The following GLCCI1 variants were observed in gnomAD, a reference collection of about 807,000 sequenced individuals.
The protein encoded by GLCCI1 is glucocorticoid induced 1.
A neutral mutation model predicts 52.2 loss-of-function variants in GLCCI1; 24 were observed. The observed-to-expected ratio is 0.46, with a 90% CI of 0.33 to 0.65. The LOEUF is 0.65. GLCCI1 is among the 30% of genes least tolerant of loss of function. The pLI is 0.02. For missense variants in GLCCI1, 704 were observed against 701.5 expected (o/e 1.00, Z -0.04); for synonymous variants, 310 against 276.5 (o/e 1.12, Z -1.20).
At position 7,980,669 on chromosome 7, in the gene GLCCI1, G is replaced by C; in HGVS notation, c.457+10862G>C. Reference sequence around the variant, plus strand: ...CCAAGAATTAAGCACAAGAAGAAGGGCACAATGTCCATGGTGAATAATGAC... The same window carrying C: ...CCAAGAATTAAGCACAAGAAGAAGGCCACAATGTCCATGGTGAATAATGAC... On this transcript the variant is annotated intron_variant, in intron 1 of 7. Coordinates refer to ENST00000223145, the MANE Select transcript of GLCCI1 (RefSeq NM_138426.4). The C allele has an allele frequency of 7.4e-6, 6 of 805,446 alleles. No homozygotes were observed. In the South Asian group the frequency reaches 8.9e-5, roughly 12 times the overall value. The allele number at this position is 805,446 out of a possible 1,614,324, so 49.9% of individuals were successfully genotyped here. A position where few individuals can be genotyped will look rare whatever the true frequency, so the allele number is the denominator to read the frequency against.
chr7:8,084,586 A>G (rs1783062715), intron 6 of GLCCI1: 1 of 211,260 alleles, frequency 4.7e-6, no homozygotes, highest in Non-Finnish European at 9.4e-6. Flanking sequence ...TTGCCCCATC[A>G]TTTGCATTCT....
intron 2 of GLCCI1, among the ~76,000 whole-genome samples, chr7:8,021,904 C>G (rs1208326330): frequency 6.6e-6 from 1 of 152,038 alleles, no homozygotes; most frequent in Non-Finnish European, 1.5e-5. Context: ...AGTTTATATT[C>G]TGTTTATTTA....
At chr7:8,055,713 G>A in intron 4 of GLCCI1, 164 bp downstream of exon 4, 1 of 505,102 alleles carries the variant, frequency 2.0e-6, no homozygotes, top group Non-Finnish European at 3.5e-6. Flanking sequence ...CGGGCGGCCG[G>A]CCTTGGTGGC....
chr7:7,968,837 C>A lies in GLCCI1; in HGVS notation c.-514C>A, dbSNP rs1213430123. The A allele has an allele frequency of 6.2e-6, 1 of 160,924 alleles. No homozygotes were observed. The highest frequency in any genetic ancestry group is 1.4e-5 in the Non-Finnish European group (1 of 73,308). The allele number at this position is 160,924 out of a possible 1,614,324, so 10.0% of individuals were successfully genotyped here. A position where few individuals can be genotyped will look rare whatever the true frequency, so the allele number is the denominator to read the frequency against. On this transcript the variant is annotated 5_prime_UTR_variant, in exon 1 of 8. Coordinates refer to ENST00000223145, the MANE Select transcript of GLCCI1 (RefSeq NM_138426.4). ...GAGGAGTGGGTAGAAGCGGCGGCGG[C>A]GGCGGCGGCGTTTGCGGTGGCGCGG...
chr7:8,019,876 T>C (rs1331583480), intron 2 of GLCCI1, among the ~76,000 whole-genome samples: 1 of 152,220 alleles, frequency 6.6e-6, no homozygotes, highest in Non-Finnish European at 1.5e-5. Context: ...GACTGGAACC[T>C]GCTCCAATTG....
At chr7:7,977,163 A>G (rs1242341156) in intron 1 of GLCCI1, among the ~76,000 whole-genome samples, 1 of 152,226 alleles carries the variant, frequency 6.6e-6, no homozygotes, top group African/African-American at 2.4e-5. Flanking sequence ...ACATTTTCTA[A>G]CGTCATTACA....
chr7:8,012,820 T>G (rs967898113), intron 2 of GLCCI1, among the ~76,000 whole-genome samples: 1 of 152,204 alleles, frequency 6.6e-6, no homozygotes, highest in South Asian at 2.1e-4. Context: ...TTTTTCCATT[T>G]GTTGACTGTA....
chr7:7,991,257 T>G (rs1037762811), intron 1 of GLCCI1, among the ~76,000 whole-genome samples: 12 of 152,148 alleles, frequency 7.9e-5, no homozygotes, highest in African/African-American at 2.9e-4. Context: ...CTTTTGTTTA[T>G]AAATTGTATG....
chr7:8,026,819 C>G (rs1466167735), intron 3 of GLCCI1, among the ~76,000 whole-genome samples: 1 of 152,240 alleles, frequency 6.6e-6, no homozygotes, highest in African/African-American at 2.4e-5. Flanking sequence ...ACAAGACAGA[C>G]AGACACCCCC....
intron 4 of GLCCI1, among the ~76,000 whole-genome samples, chr7:8,056,644 T>C (rs532343085): frequency 6.6e-6 from 1 of 152,258 alleles, no homozygotes; most frequent in African/African-American, 2.4e-5. Context: ...TGATTCAACA[T>C]TGGGAAATAT....
chr7:8,004,170 C>A, intron 2 of GLCCI1, 111 bp downstream of exon 2: 2 of 985,700 alleles, frequency 2.0e-6, no homozygotes, highest in Non-Finnish European at 2.9e-6. Context: ...TACATCCAAC[C>A]AAGGAAGAAA....
chr7:8,084,752 G>A, intron 6 of GLCCI1, 145 bp from the exon 7 acceptor site: 1 of 703,098 alleles, frequency 1.4e-6, no homozygotes, highest in South Asian at 2.0e-5. Context: ...TGCTACACAG[G>A]GTATAAGAAA....
chr7:7,996,380 C>T (rs909757148), intron 1 of GLCCI1, among the ~76,000 whole-genome samples: 8 of 150,776 alleles, frequency 5.3e-5, no homozygotes, highest in Middle Eastern at 3.4e-3. Flanking sequence ...CCCAAAAAAA[C>T]GAACTTAAAA....
chr7:8,022,330 AT>A (rs1459486369), intron 2 of GLCCI1, among the ~76,000 whole-genome samples, 152 bp from the exon 3 acceptor site: 1 of 152,158 alleles, frequency 6.6e-6, no homozygotes, highest in Non-Finnish European at 1.5e-5. Context: ...TATTTTAAAC[AT>A]TTCACGGGGT....
intron 1 of GLCCI1, among the ~76,000 whole-genome samples, chr7:7,986,946 T>G (rs1477223158): frequency 6.6e-6 from 1 of 152,216 alleles, no homozygotes; most frequent in African/African-American, 2.4e-5. Flanking sequence ...TTTTTTGCAT[T>G]CTTTCCATGT....
intron 6 of GLCCI1, among the ~76,000 whole-genome samples, chr7:8,073,806 G>C (rs1782817879): frequency 6.6e-6 from 1 of 152,122 alleles, no homozygotes; most frequent in East Asian, 1.9e-4. Context: ...ACCTCAGTTT[G>C]AGAATTAAAG....
At chr7:7,979,036 C>T (rs1029100546) in intron 1 of GLCCI1, among the ~76,000 whole-genome samples, 5 of 152,168 alleles carry the variant, frequency 3.3e-5, no homozygotes, top group Admixed American at 3.3e-4. Flanking sequence ...AATCAATCAA[C>T]AGTCCTCTTC....
rs1491542051 is a variant in GLCCI1, at chr7:8,040,524, TAA to T, written c.697-14908_697-14907del. Among the ~76,000 whole-genome samples, 3 of 68,846 alleles carry T rather than the reference TAA, an allele frequency of 4.4e-5. No homozygotes were observed. The South Asian group carries it at 1.4e-3, about 33-fold the overall frequency. The allele number at this position is 68,846 out of a possible 152,430, so 45.2% of individuals were successfully genotyped here. A position where few individuals can be genotyped will look rare whatever the true frequency, so the allele number is the denominator to read the frequency against. Reference sequence around the variant, plus strand: ...CTTAAAAACCATAGTGAGATATAATTAACACACACACACACACACACACACAC... The same window carrying T: ...CTTAAAAACCATAGTGAGATATAATTCACACACACACACACACACACACAC... On this transcript the variant is annotated intron_variant, in intron 3 of 7. Transcript: ENST00000223145.
intron 1 of GLCCI1, among the ~76,000 whole-genome samples, chr7:7,986,368 C>A (rs1318941603): frequency 1.1e-5 from 1 of 90,432 alleles, no homozygotes; most frequent in Non-Finnish European, 2.3e-5. Context: ...AAAAATTAGC[C>A]GGGAGCAGGG....
Sources: allele counts gnomAD v4.1 joint callset (sites outside exome capture counted in the v4.1 genomes callset), GRCh38; gene constraint gnomAD v4.1.1; transcripts MANE v1.5; gene names NCBI Gene and HGNC (gene_info 2026-07-23, HGNC 2026-07-21).